The following CDC45 variants were observed in gnomAD, a reference collection of about 807,000 sequenced individuals.
CDC45 encodes cell division cycle 45.
A neutral mutation model predicts 77.8 loss-of-function variants in CDC45; 54 were observed. The ratio of observed to expected loss-of-function variants is 0.69; its 90% CI spans 0.56 to 0.87. The LOEUF (loss-of-function observed/expected upper bound fraction) is 0.87. Ranked by LOEUF, CDC45 falls within the 40% of genes least tolerant of loss-of-function variation. The pLI is 0.00. For synonymous variants in CDC45, 260 were observed against 272.1 expected (o/e 0.96, Z 0.44); for missense variants, 649 against 721.6 (o/e 0.90, Z 1.15).
intron 5 of CDC45, among the ~76,000 whole-genome samples, chr22:19,484,859 C>T (rs542038764): frequency 6.6e-6 from 1 of 152,268 alleles, no homozygotes; most frequent in East Asian, 1.9e-4. Flanking sequence ...CATAGGGAAC[C>T]TCTTGGACCC....
chr22:19,480,034 G>T lies in CDC45; in HGVS notation c.51+15G>T, dbSNP rs772082975. 33 of 1,613,814 alleles carry T rather than the reference G, an allele frequency of 2.0e-5. No homozygotes were observed. The highest frequency in any genetic ancestry group is 2.4e-5 in the Non-Finnish European group (28 of 1,179,910). ...TCCAGAGCCAGGTGACGCCCAGTCC[G>T]GGACCCCCGCCGAGGCCTTGCCGGT... is the stretch of plus-strand genomic sequence containing the variant. On this transcript the variant is annotated intron_variant, in intron 1 of 18. Coordinates refer to ENST00000263201, the MANE Select transcript of CDC45 (RefSeq NM_003504.5).
At chr22:19,480,604 G>A (rs748377089) in intron 2 of CDC45, among the ~76,000 whole-genome samples, 3 of 151,534 alleles carry the variant, frequency 2.0e-5, no homozygotes, top group Non-Finnish European at 4.4e-5. Context: ...GTGTTGCTGG[G>A]AATATGGGAG....
intron 17 of CDC45, among the ~76,000 whole-genome samples, chr22:19,518,610 G>A (rs958686435): frequency 1.3e-5 from 2 of 151,976 alleles, no homozygotes; most frequent in Admixed American, 6.6e-5. Flanking sequence ...TTGTCTTCCC[G>A]GGGGGGAGTT....
intron 17 of CDC45, 68 bp from the exon 18 acceptor site, chr22:19,518,776 G>C (rs1439242661): frequency 1.6e-6 from 2 of 1,270,522 alleles, no homozygotes; most frequent in South Asian, 1.2e-5. Context: ...CAGCGGAGGG[G>C]AGTTCTGTGC....
chr22:19,479,930 T>C lies in CDC45; in HGVS notation c.-39T>C, dbSNP rs1601912293. 6.2e-7 allele frequency: 1 copy of C among 1,611,058 alleles called. No individual in the cohort carries two copies. The highest frequency in any genetic ancestry group is 2.0e-4 in the Middle Eastern group (1 of 5,118). Reference sequence around the variant, plus strand: ...GTCTTGACCGCCGCCGGGCTCTTGGTACCTCAGCGCGAGCGCCAGGCGTCC... The same window carrying C: ...GTCTTGACCGCCGCCGGGCTCTTGGCACCTCAGCGCGAGCGCCAGGCGTCC... On this transcript the variant is annotated 5_prime_UTR_variant, in exon 1 of 19. Coordinates refer to ENST00000263201, the MANE Select transcript of CDC45 (RefSeq NM_003504.5).
At chr22:19,514,412 G>T (rs1387184285) in intron 13 of CDC45, among the ~76,000 whole-genome samples, 1 of 152,064 alleles carries the variant, frequency 6.6e-6, no homozygotes, top group Non-Finnish European at 1.5e-5. Flanking sequence ...CTATCTGTTG[G>T]GTTTGAGGGG....
In CDC45 at chr22:19,514,758, G is replaced by A; in HGVS notation, c.1227G>A (p.Leu409=). ...QALDSLSRSN[L]DKLYHGLELA... The stretch of plus-strand genomic sequence containing the variant: ...GTCTGCCCTGTTACAGGAGTAACCT[G>A]GACAAGCTGTACCATGGCCTGGAAC... Residue 409 remains leucine, a synonymous_variant, in exon 14 of 19, where the codon CTG becomes CTA. Transcript: ENST00000263201. 3 of 1,609,828 alleles carry A rather than the reference G, an allele frequency of 1.9e-6. No homozygotes were observed. The highest frequency in any genetic ancestry group is 2.5e-6 in the Non-Finnish European group (3 of 1,177,882).
intron 9 of CDC45, among the ~76,000 whole-genome samples, chr22:19,500,163 G>C (rs578073991): frequency 6.6e-6 from 1 of 152,198 alleles, no homozygotes; most frequent in African/African-American, 2.4e-5. Flanking sequence ...TGTATGCACT[G>C]ATAGGCACTG....
In CDC45 at chr22:19,494,917, G is replaced by T. The variant is rs189180339; in HGVS notation, c.542+535G>T. On this transcript the variant is annotated intron_variant, in intron 6 of 18. Coordinates refer to ENST00000263201, the MANE Select transcript of CDC45 (RefSeq NM_003504.5). ...CTCGGATAAGGACAACGTAAGACAG[G>T]TGTGGTGGCTCATGCCTGTATTCCC... is the stretch of plus-strand genomic sequence containing the variant. 3.7e-3 allele frequency among the ~76,000 whole-genome samples: 565 copies of T among 152,314 alleles called. 9 individuals are homozygous for T. The highest frequency in any genetic ancestry group is 1.8e-3 in the Admixed American group (28 of 15,298).
chr22:19,487,725 A>G (rs7289378), intron 5 of CDC45, among the ~76,000 whole-genome samples: 45,606 of 151,662 alleles, frequency 0.3, 9,114 homozygotes, highest in African/African-American at 0.56. Flanking sequence ...CATCCTGCTA[A>G]CACGGTGAAA....
chr22:19,489,737 CA>C (rs945546481), intron 5 of CDC45, among the ~76,000 whole-genome samples: 15 of 152,084 alleles, frequency 9.9e-5, no homozygotes, highest in African/African-American at 3.1e-4. Context: ...TGCAGTCAGT[CA>C]AAAAAATGCA....
chr22:19,480,249 C>T (rs370872536), intron 2 of CDC45, 32 bp downstream of exon 2: 4 of 1,605,994 alleles, frequency 2.5e-6, no homozygotes, highest in Non-Finnish European at 3.4e-6. Context: ...AGGGCGGGGC[C>T]GGCGCGCGAG....
chr22:19,511,068 G>C (rs1279442354), intron 13 of CDC45, among the ~76,000 whole-genome samples: 1 of 152,160 alleles, frequency 6.6e-6, no homozygotes, highest in East Asian at 1.9e-4. Context: ...CCAGATTTTT[G>C]AGGAACTGCC....
chr22:19,496,126 G>T (rs1232690217), intron 7 of CDC45, 97 bp downstream of exon 7: 2 of 881,124 alleles, frequency 2.3e-6, no homozygotes, highest in East Asian at 4.9e-5. Context: ...AGCCACAAAA[G>T]CCTGGTTTGA....
At chr22:19,507,198 C>T (rs1933239072) in intron 10 of CDC45, among the ~76,000 whole-genome samples, 188 bp from the exon 11 acceptor site, 1 of 152,250 alleles carries the variant, frequency 6.6e-6, no homozygotes. Flanking sequence ...TGTCACTTCA[C>T]AGGCTCTCTG....
At chr22:19,483,675 T>G (rs996969277) in intron 4 of CDC45, among the ~76,000 whole-genome samples, 187 bp from the exon 5 acceptor site, 1 of 152,214 alleles carries the variant, frequency 6.6e-6, no homozygotes, top group Non-Finnish European at 1.5e-5. Flanking sequence ...GTAACTCTGG[T>G]GCCTCACTGG....
At chr22:19,516,684 G>A in intron 16 of CDC45, 39 bp downstream of exon 16, 1 of 1,572,798 alleles carries the variant, frequency 6.4e-7, no homozygotes, top group Non-Finnish European at 8.7e-7. Context: ...GGAGGGTCGG[G>A]GGTGTTGGGG....
rs1430529461 is a variant in CDC45, at chr22:19,518,919, A to C, written c.*1+10A>C. ...TCCCTCCTGTCCTAGGGTGAGTTAC[A>C]GGGGTTCTGCAGGGGTGGCTGCAGC... On this transcript the variant is annotated intron_variant, in intron 18 of 18. Coordinates refer to ENST00000263201, the MANE Select transcript of CDC45 (RefSeq NM_003504.5). 1 of 1,611,326 alleles carries C rather than the reference A, an allele frequency of 6.2e-7. No individual in the cohort carries two copies. The highest frequency in any genetic ancestry group is 1.3e-5 in the African/African-American group (1 of 74,868).
At chr22:19,489,359 C>T (rs184862034) in intron 5 of CDC45, among the ~76,000 whole-genome samples, 53 of 152,030 alleles carry the variant, frequency 3.5e-4, no homozygotes, top group African/African-American at 1.2e-3. Context: ...CAGAACATTT[C>T]CAGCACTGTA....
Sources: gnomAD v4.1 joint callset for allele counts (sites outside exome capture counted in the v4.1 genomes callset) on GRCh38, gnomAD v4.1.1 for gene constraint, MANE v1.5 for transcripts, NCBI Gene and HGNC (gene_info 2026-07-23, HGNC 2026-07-21) for gene names.